The following SNRPC variants were observed in gnomAD, a reference collection of about 807,000 sequenced individuals.
The protein encoded by SNRPC is U1 small nuclear ribonucleoprotein C.
SNRPC carries 5 observed loss-of-function variants against 20.0 expected under a neutral mutation model. The observed-to-expected ratio is 0.25, with a 90% CI of 0.13 to 0.53. The LOEUF (loss-of-function observed/expected upper bound fraction) is 0.53, where lower values mean the gene tolerates loss of function less well. SNRPC is among the 20% of genes least tolerant of loss of function. The pLI, the probability that SNRPC is intolerant of heterozygous loss-of-function variation, is 0.96. For missense variants in SNRPC, 112 were observed against 224.1 expected (o/e 0.50, Z 3.19); for synonymous variants, 61 against 58.7 (o/e 1.04, Z -0.18).
intron 2 of SNRPC, 77 bp from the exon 3 acceptor site, chr6:34,762,518 T>C (rs1397936562): frequency 2.7e-6 from 2 of 749,454 alleles, no homozygotes; most frequent in South Asian, 1.6e-5. Flanking sequence ...ACGCTACTTA[T>C]ATAAAGGTAA....
chr6:34,772,280 T>G (rs895369507), intron 5 of SNRPC, among the ~76,000 whole-genome samples: 2 of 152,240 alleles, frequency 1.3e-5, no homozygotes, highest in African/African-American at 4.8e-5. Flanking sequence ...TCTAGACTTT[T>G]GTATGAAATC....
At chr6:34,761,666 G>A (rs1041638714) in intron 2 of SNRPC, among the ~76,000 whole-genome samples, 63 of 151,256 alleles carry the variant, frequency 4.2e-4, no homozygotes, top group African/African-American at 1.5e-3. Context: ...GACTACAGGT[G>A]CCCGCCACCA....
intron 2 of SNRPC, among the ~76,000 whole-genome samples, chr6:34,762,350 A>G (rs1004940667): frequency 7.2e-5 from 11 of 151,984 alleles, no homozygotes; most frequent in South Asian, 6.2e-4. Flanking sequence ...GTGTTCCAAT[A>G]CTTTTTTTTT....
At chr6:34,767,599 G>A (rs1764629697) in intron 3 of SNRPC, among the ~76,000 whole-genome samples, 1 of 152,204 alleles carries the variant, frequency 6.6e-6, no homozygotes, top group South Asian at 2.1e-4. Context: ...GGGTGACAGT[G>A]AGACTCTGTC....
At position 34,773,833 on chromosome 6, in the gene SNRPC, A is replaced by G. The variant is rs1449648005; in HGVS notation, c.*263A>G. 4.2e-5 allele frequency: 12 copies of G among 288,664 alleles called. No individual in the cohort carries two copies. Among genetic ancestry groups the G allele is most frequent in the Middle Eastern group, 1.0e-3 (1 of 958 alleles). The allele number at this position is 288,664 out of a possible 1,614,324, so 17.9% of individuals were successfully genotyped here. ...TTCCTCCTCTCTGTGTTCTCTGTGT[A>G]TTATAAAAGAAATGAAACATTCCAG... On this transcript the variant is annotated 3_prime_UTR_variant, in exon 6 of 6. Coordinates refer to ENST00000244520, the MANE Select transcript of SNRPC (RefSeq NM_003093.3). This position sits in a 1 kb window ranked among gnomAD's most constrained non-coding sequence, Gnocchi z 4.1.
intron 4 of SNRPC, among the ~76,000 whole-genome samples, chr6:34,768,753 CAAAA>C (rs11284276): frequency 1.0e-5 from 1 of 97,626 alleles, no homozygotes; most frequent in African/African-American, 3.2e-5. Context: ...GACTTTGTCT[CAAAA>C]AAAAAAAAAA....
intron 5 of SNRPC, among the ~76,000 whole-genome samples, chr6:34,772,765 C>T (rs570414469): frequency 6.6e-6 from 1 of 152,104 alleles, no homozygotes; most frequent in South Asian, 2.1e-4. Context: ...CCTCCCCTAC[C>T]CCTCTGCCTG....
intron 3 of SNRPC, among the ~76,000 whole-genome samples, chr6:34,765,176 G>C (rs902557999): frequency 6.6e-6 from 1 of 152,154 alleles, no homozygotes; most frequent in Non-Finnish European, 1.5e-5. Context: ...TTTGCTGTGA[G>C]GGTCTTTCTG....
Position 34,757,995 on chromosome 6 carries a change from T to C in SNRPC, c.51+41T>C, listed in dbSNP as rs772488243. 4.4e-6 allele frequency: 7 copies of C among 1,578,352 alleles called. No homozygotes were observed. In the South Asian group the frequency reaches 7.0e-5, roughly 16 times the overall value. On this transcript the variant is annotated intron_variant, in intron 2 of 5. Coordinates refer to ENST00000244520, the MANE Select transcript of SNRPC (RefSeq NM_003093.3). ...ATTCATAGTTTCAAAAAGCCTTATG[T>C]GTAATAATTAAATGAGTTTTGTGTT... is the stretch of plus-strand genomic sequence containing the variant.
chr6:34,764,690 TA>T (rs1174854698), intron 3 of SNRPC, among the ~76,000 whole-genome samples: 1 of 151,016 alleles, frequency 6.6e-6, no homozygotes, highest in Non-Finnish European at 1.5e-5. Flanking sequence ...TAATAAATAA[TA>T]AAAAGGCAAA....
intron 3 of SNRPC, among the ~76,000 whole-genome samples, chr6:34,763,536 C>T (rs903394357): frequency 7.3e-5 from 11 of 151,276 alleles, no homozygotes; most frequent in African/African-American, 2.2e-4. Context: ...TAAAAATTAG[C>T]GGGGCGTGGT....
chr6:34,767,824 A>T, intron 3 of SNRPC, 84 bp from the exon 4 acceptor site: 1 of 1,358,530 alleles, frequency 7.4e-7, no homozygotes, highest in Non-Finnish European at 9.8e-7. Context: ...ACCGTTGAAG[A>T]CTTAAAGAAA....
chr6:34,768,952 A>G (rs535586450), intron 4 of SNRPC, among the ~76,000 whole-genome samples: 2 of 152,008 alleles, frequency 1.3e-5, no homozygotes, highest in South Asian at 4.1e-4. Flanking sequence ...TTCAGGACCT[A>G]GACTCAATCT....
In SNRPC at chr6:34,762,080, G is replaced by A. The variant is rs559057564; in HGVS notation, c.52-515G>A. Among the ~76,000 whole-genome samples, 13 of 152,198 alleles carry A rather than the reference G, an allele frequency of 8.5e-5. No homozygotes were observed. The East Asian group carries it at 2.5e-3, about 29-fold the overall frequency. ...GCACTTTGGGAGGCCAAGATGAGAG[G>A]ATCACTTGAGCCTAGGGGTTTGAGA... On this transcript the variant is annotated intron_variant, in intron 2 of 5. Transcript: ENST00000244520.
chr6:34,771,282 T>C (rs1764687052), intron 5 of SNRPC, among the ~76,000 whole-genome samples: 2 of 150,496 alleles, frequency 1.3e-5, no homozygotes, highest in African/African-American at 2.5e-5. Flanking sequence ...TGAGCTGATA[T>C]TGTGCCACTG....
chr6:34,769,901 T>C (rs1340953085), intron 4 of SNRPC, among the ~76,000 whole-genome samples: 4 of 152,008 alleles, frequency 2.6e-5, no homozygotes, highest in Non-Finnish European at 5.9e-5. Context: ...TTTGAAGGAG[T>C]TCATGAGATC....
rs867242591 is a variant in SNRPC at position 34,761,703 on chromosome 6, G to A, written c.52-892G>A. 3.3e-5 allele frequency among the ~76,000 whole-genome samples: 5 copies of A among 150,858 alleles called. No homozygotes were observed. In the South Asian group the frequency reaches 1.0e-3, roughly 32 times the overall value. On this transcript the variant is annotated intron_variant, in intron 2 of 5. Coordinates refer to ENST00000244520, the MANE Select transcript of SNRPC (RefSeq NM_003093.3). ...ACTTTTTTGTATTTTTAGCAGAGAC[G>A]AGGTTTCACCATGTTAGCCAGGATG...
intron 5 of SNRPC, among the ~76,000 whole-genome samples, chr6:34,770,719 C>T (rs1764674789): frequency 6.6e-6 from 1 of 152,198 alleles, no homozygotes; most frequent in Non-Finnish European, 1.5e-5. Context: ...TCTTCTGTTT[C>T]CTTGCCTCAT....
chr6:34,757,855 C>T, intron 1 of SNRPC, 57 bp from the exon 2 acceptor site: 1 of 1,607,902 alleles, frequency 6.2e-7, no homozygotes. Flanking sequence ...ACAGCGCTTC[C>T]GTGGATGGGC....
Sources: allele counts gnomAD v4.1 joint callset (sites outside exome capture counted in the v4.1 genomes callset), GRCh38; gene constraint gnomAD v4.1.1; non-coding constraint Gnocchi (gnomAD v3.1); transcripts MANE v1.5; gene names NCBI Gene and HGNC (gene_info 2026-07-23, HGNC 2026-07-21).